PGAP1: variants seen among roughly 807,000 people sequenced by gnomAD.
PGAP1 encodes post-GPI attachment to proteins inositol deacylase 1.
Under a neutral mutation model 127.0 loss-of-function variants are expected in PGAP1, and 76 were observed. That is an observed-to-expected ratio of 0.60 (90% CI 0.50 to 0.72). The LOEUF (loss-of-function observed/expected upper bound fraction) is 0.72. Among genes scored for constraint, PGAP1 ranks in the 30% least tolerant of loss-of-function variants. The pLI is 0.00. For synonymous variants in PGAP1, 362 were observed against 366.5 expected (o/e 0.99, Z 0.14); for missense variants, 982 against 1,071.3 (o/e 0.92, Z 1.16).
intron 4 of PGAP1, among the ~76,000 whole-genome samples, chr2:196,912,580 TAAAAAA>T (rs531959600): frequency 4.8e-4 from 40 of 82,482 alleles, no homozygotes; most frequent in South Asian, 4.0e-3. Context: ...ACCCTGTCTT[TAAAAAA>T]AAAAAAAAAA....
intron 6 of PGAP1, among the ~76,000 whole-genome samples, chr2:196,897,456 T>C (rs1049374119): frequency 5.9e-5 from 9 of 152,228 alleles, no homozygotes; most frequent in Non-Finnish European, 1.3e-4. Context: ...TCACCTAGCC[T>C]AGCCATAGAT....
intron 6 of PGAP1, among the ~76,000 whole-genome samples, chr2:196,897,955 C>T (rs150027674): frequency 6.6e-6 from 1 of 152,178 alleles, no homozygotes; most frequent in Non-Finnish European, 1.5e-5. Context: ...TGGTGGTTCA[C>T]CCCTGCAATC....
intron 6 of PGAP1, 22 bp from the exon 7 acceptor site, chr2:196,897,219 A>G (rs368552651): frequency 5.0e-5 from 72 of 1,441,662 alleles, no homozygotes; most frequent in Non-Finnish European, 6.5e-5. Context: ...AGTAAGTGTT[A>G]CAAATAAAAC....
intron 9 of PGAP1, among the ~76,000 whole-genome samples, chr2:196,891,519 T>C (rs1409682460): frequency 1.3e-5 from 2 of 152,094 alleles, no homozygotes; most frequent in Non-Finnish European, 2.9e-5. Context: ...TTTAAATGCA[T>C]GAGTGCATAA....
At chr2:196,860,775 C>T (rs1390001289) in intron 20 of PGAP1, among the ~76,000 whole-genome samples, 3 of 152,116 alleles carry the variant, frequency 2.0e-5, no homozygotes, top group South Asian at 2.1e-4. Flanking sequence ...CAAGCAATGT[C>T]TAGATTCAAT....
chr2:196,925,758 G>T (rs1203450860), intron 1 of PGAP1, among the ~76,000 whole-genome samples: 1 of 152,126 alleles, frequency 6.6e-6, no homozygotes, highest in Non-Finnish European at 1.5e-5. Context: ...GCTGCTGAGA[G>T]ACATGCATAA....
intron 26 of PGAP1, 138 bp from the exon 27 acceptor site, chr2:196,841,510 T>G: frequency 1.5e-6 from 1 of 676,450 alleles, no homozygotes; most frequent in South Asian, 2.6e-5. Flanking sequence ...TGAATTTACC[T>G]ATTCATAATT....
chr2:196,851,154 G>GT (rs71410629), intron 20 of PGAP1, among the ~76,000 whole-genome samples: 422 of 148,830 alleles, frequency 2.8e-3, no homozygotes, highest in Middle Eastern at 3.4e-3. Flanking sequence ...CTGTTTTTTT[G>GT]TTTTTTTTAA....
At position 196,841,309 on chromosome 2, in the gene PGAP1, C is replaced by A. The variant is rs779884436; in HGVS notation, c.2694G>T (p.Gly898=). ...LPLAVGVIAF[G]SAHLYRLPCF... ...ATGGAAGCCTATATAAATGTGCTGA[C>A]CCAAAAGCAATCACACCAACAGCCA... Residue 898 remains glycine (G), a synonymous_variant, in exon 27 of 27, where the codon GGG becomes GGT. Transcript: ENST00000354764. 5 of 1,613,646 alleles carry A rather than the reference C, an allele frequency of 3.1e-6. No homozygotes were observed. In the African/African-American group the frequency reaches 6.7e-5, roughly 22 times the overall value.
intron 5 of PGAP1, among the ~76,000 whole-genome samples, chr2:196,902,202 A>T (rs1702518831): frequency 6.6e-6 from 1 of 152,066 alleles, no homozygotes; most frequent in Non-Finnish European, 1.5e-5. Context: ...CTAATTTTAA[A>T]GATTTTTTGT....
At chr2:196,926,320 G>T in intron 1 of PGAP1, 150 bp downstream of exon 1, 2 of 1,189,254 alleles carry the variant, frequency 1.7e-6, no homozygotes, top group Non-Finnish European at 2.4e-6. Flanking sequence ...GGGGGATGCA[G>T]AGTCTCCCCG....
intron 19 of PGAP1, among the ~76,000 whole-genome samples, chr2:196,866,700 G>A (rs1191258404): frequency 6.6e-6 from 1 of 151,748 alleles, no homozygotes; most frequent in Non-Finnish European, 1.5e-5. Context: ...CAGAATGGGG[G>A]AAAATTTTTG....
rs1703370604 is a variant in PGAP1 at position 196,926,600 on chromosome 2, A to G, written c.17T>C (p.Val6Ala). Residue 6 changes from valine to alanine, a missense_variant, in exon 1 of 27, where the codon GTT becomes GCT. By Grantham distance (64) the Val-to-Ala change is moderately conservative (BLOSUM62 0). Transcript: ENST00000354764. Reference protein sequence around the residue: MFLHSVNLWNLAFYVF... With the variant: MFLHSANLWNLAFYVF... Reference sequence around the variant, plus strand: ...ATAAAACGCCAGGTTCCAGAGATTAACTGAGTGAAGAAACATGGTGCCGCC... The same window carrying G: ...ATAAAACGCCAGGTTCCAGAGATTAGCTGAGTGAAGAAACATGGTGCCGCC... The G allele has an allele frequency of 6.2e-7, 1 of 1,614,146 alleles. No individual in the cohort carries two copies. Among genetic ancestry groups the G allele is most frequent in the Non-Finnish European group, 8.5e-7 (1 of 1,179,984 alleles).
chr2:196,837,139 T>C lies in PGAP1; in HGVS notation c.*4095A>G, dbSNP rs1700260276. The C allele has an allele frequency of 6.6e-6, 1 of 152,208 alleles. No homozygotes were observed. The highest frequency in any genetic ancestry group is 2.4e-5 in the African/African-American group (1 of 41,466). 9.4% of individuals were successfully genotyped at this position (152,208 alleles called of 1,614,324 possible). A position where few individuals can be genotyped will look rare whatever the true frequency, so the allele number is the denominator to read the frequency against. On this transcript the variant is annotated 3_prime_UTR_variant, in exon 27 of 27. Coordinates refer to ENST00000354764, the MANE Select transcript of PGAP1 (RefSeq NM_024989.4). ...TAAAATGAAAATGTGGGTCAACTGA[T>C]TTATCTGGGGGTTCAGAAATCAACA...
chr2:196,890,933 TCAA>T (rs1702079006), intron 9 of PGAP1, 22 bp from the exon 10 acceptor site: 2 of 1,219,392 alleles, frequency 1.6e-6, no homozygotes, highest in Non-Finnish European at 1.2e-6. Flanking sequence ...AGGAAAACAC[TCAA>T]TATAGCTGTA....
chr2:196,911,967 G>C (rs1702837814), intron 4 of PGAP1, among the ~76,000 whole-genome samples: 1 of 152,152 alleles, frequency 6.6e-6, no homozygotes, highest in African/African-American at 2.4e-5. Context: ...CACAAGCCCA[G>C]AAGCAATTTT....
chr2:196,848,211 A>C (rs543650172), intron 20 of PGAP1, among the ~76,000 whole-genome samples, 174 bp from the exon 21 acceptor site: 18 of 152,130 alleles, frequency 1.2e-4, no homozygotes, highest in African/African-American at 3.8e-4. Context: ...AATGGTTCTT[A>C]TATTAGAGTA....
intron 20 of PGAP1, among the ~76,000 whole-genome samples, chr2:196,858,550 T>C (rs1237169209): frequency 6.6e-6 from 1 of 152,070 alleles, no homozygotes; most frequent in Non-Finnish European, 1.5e-5. Context: ...GGAGAGTTCA[T>C]AGCAATACAT....
At chr2:196,844,754 G>A (rs1025148995) in intron 23 of PGAP1, among the ~76,000 whole-genome samples, 180 bp from the exon 24 acceptor site, 3 of 151,864 alleles carry the variant, frequency 2.0e-5, no homozygotes, top group African/African-American at 7.3e-5. Flanking sequence ...TGGCTATCAT[G>A]GATTAAAAAA....
Sources: gnomAD v4.1 joint callset for allele counts (sites outside exome capture counted in the v4.1 genomes callset) on GRCh38, gnomAD v4.1.1 for gene constraint, MANE v1.5 for transcripts, NCBI Gene and HGNC (gene_info 2026-07-23, HGNC 2026-07-21) for gene names.